Variants in TAFA2 observed in about 807,000 individuals in gnomAD.
TAFA2 encodes TAFA chemokine like family member 2.
In TAFA2, 7 loss-of-function variants were observed where a neutral mutation model predicts 18.8. The ratio of observed to expected loss-of-function variants is 0.37; its 90% CI spans 0.21 to 0.70. The LOEUF (loss-of-function observed/expected upper bound fraction) is 0.70, where lower values mean the gene tolerates loss of function less well. TAFA2 is among the 30% of genes least tolerant of loss of function. The pLI is 0.53. For missense variants in TAFA2, 122 were observed against 158.1 expected (o/e 0.77, Z 1.23); for synonymous variants, 60 against 54.2 (o/e 1.11, Z -0.47).
chr12:61,763,075 C>T (rs1408710108), intron 2 of TAFA2, among the ~76,000 whole-genome samples: 1 of 151,906 alleles, frequency 6.6e-6, no homozygotes, highest in African/African-American at 2.4e-5. Context: ...GAAAATAGCT[C>T]ATATTTTTTA....
chr12:62,143,613 C>G, intron 1 of TAFA2, among the ~76,000 whole-genome samples: 1 of 152,068 alleles, frequency 6.6e-6, no homozygotes, highest in Non-Finnish European at 1.5e-5. Flanking sequence ...CCAATACAGC[C>G]CACAACCTGA....
intron 1 of TAFA2, among the ~76,000 whole-genome samples, chr12:62,015,868 T>G (rs1251136318): frequency 6.6e-6 from 1 of 152,074 alleles, no homozygotes; most frequent in Non-Finnish European, 1.5e-5. Context: ...GAAAGTAGAA[T>G]GGTGGTTGCC....
At chr12:61,997,478 G>A (rs1291634981) in intron 1 of TAFA2, among the ~76,000 whole-genome samples, 1 of 152,120 alleles carries the variant, frequency 6.6e-6, no homozygotes, top group East Asian at 1.9e-4. Context: ...TGGAAAGAGA[G>A]GCCCAGTGGC....
At chr12:62,017,985 T>C (rs1263158253) in intron 1 of TAFA2, among the ~76,000 whole-genome samples, 1 of 152,150 alleles carries the variant, frequency 6.6e-6, no homozygotes, top group Admixed American at 6.5e-5. Context: ...CCTAGTGAGA[T>C]TTCCCAAGAT....
intron 1 of TAFA2, chr12:61,877,997 T>C: frequency 4.5e-6 from 2 of 448,354 alleles, no homozygotes; most frequent in Non-Finnish European, 8.9e-6. Flanking sequence ...TAAAAAGAAA[T>C]TACAACATAG....
At chr12:61,930,447 A>T (rs1357836494) in intron 1 of TAFA2, among the ~76,000 whole-genome samples, 1 of 152,182 alleles carries the variant, frequency 6.6e-6, no homozygotes, top group African/African-American at 2.4e-5. Flanking sequence ...GTGCTTAAAA[A>T]CTTTACATGG....
At chr12:61,781,726 T>C (rs566202130) in intron 2 of TAFA2, among the ~76,000 whole-genome samples, 1 of 151,794 alleles carries the variant, frequency 6.6e-6, no homozygotes, top group Admixed American at 6.6e-5. Context: ...TTTTAATGAA[T>C]CTTACAGAAA....
At chr12:61,916,262 A>G (rs1009838311) in intron 1 of TAFA2, among the ~76,000 whole-genome samples, 5 of 152,210 alleles carry the variant, frequency 3.3e-5, no homozygotes, top group African/African-American at 4.8e-5. Context: ...CTGTGTTACT[A>G]CCTAAGCTCT....
chr12:61,830,686 C>T (rs1480218234), intron 2 of TAFA2, among the ~76,000 whole-genome samples: 1 of 151,908 alleles, frequency 6.6e-6, no homozygotes, highest in Non-Finnish European at 1.5e-5. Flanking sequence ...AATGCCCAGA[C>T]TTATGGGCTT....
chr12:61,958,556 A>T (rs1024817927), intron 1 of TAFA2, among the ~76,000 whole-genome samples: 10 of 151,712 alleles, frequency 6.6e-5, no homozygotes, highest in African/African-American at 2.4e-4. Context: ...TTTTATTTGC[A>T]TTTCCTACAT....
intron 1 of TAFA2, among the ~76,000 whole-genome samples, chr12:62,143,889 A>C (rs1454766931): frequency 2.0e-5 from 3 of 146,984 alleles, no homozygotes; most frequent in Non-Finnish European, 4.5e-5. Flanking sequence ...CAAAAAATAC[A>C]AAAAAAAAAT....
At chr12:61,836,732 G>GATAT (rs3034054) in intron 2 of TAFA2, among the ~76,000 whole-genome samples, 7,211 of 112,610 alleles carry the variant, frequency 0.064, 462 homozygotes, top group African/African-American at 0.15. Context: ...TTGCCAATTT[G>GATAT]ATATATATAT....
At chr12:61,835,246 A>G (rs1026525217) in intron 2 of TAFA2, among the ~76,000 whole-genome samples, 49 of 152,106 alleles carry the variant, frequency 3.2e-4, no homozygotes, top group African/African-American at 1.1e-3. Context: ...ATATGTAGAT[A>G]TAAATAACGA....
At chr12:61,873,281 C>A (rs910178184) in intron 1 of TAFA2, among the ~76,000 whole-genome samples, 2 of 142,256 alleles carry the variant, frequency 1.4e-5, no homozygotes, top group African/African-American at 5.3e-5. Context: ...TTTGAGGTTG[C>A]ACAAGTTTTA....
intron 1 of TAFA2, chr12:62,234,272 G>C (rs1214080651): frequency 2.5e-6 from 1 of 392,386 alleles, no homozygotes; most frequent in Non-Finnish European, 4.9e-6. Context: ...GGTGCTCTCA[G>C]TATTGTAGGC....
At position 62,186,454 on chromosome 12, in the gene TAFA2, C is replaced by T. The variant is rs75231754; in HGVS notation, c.-2+4805G>A. ...GTTCAGCTGGTTCTCTTCATTTTGT[C>T]AAATTACTAAATTCAGCCTATCACC... On this transcript the variant is annotated intron_variant, in intron 1 of 4. Transcript: ENST00000416284. 5.1e-3 allele frequency among the ~76,000 whole-genome samples: 781 copies of T among 152,258 alleles called. 6 individuals are homozygous for T. Among genetic ancestry groups the T allele is most frequent in the Non-Finnish European group, 9.0e-3 (613 of 67,994 alleles).
chr12:61,755,495 G>A (rs1869222766), intron 2 of TAFA2, among the ~76,000 whole-genome samples: 1 of 152,104 alleles, frequency 6.6e-6, no homozygotes, highest in Admixed American at 6.6e-5. Flanking sequence ...AGTGGAGGCA[G>A]ACAGTGGGCA....
chr12:62,246,344 C>T (rs960972509), intron 1 of TAFA2, among the ~76,000 whole-genome samples: 2 of 152,138 alleles, frequency 1.3e-5, no homozygotes, highest in Admixed American at 6.5e-5. Flanking sequence ...ATTTATTTTA[C>T]CATGAACCAT....
At chr12:62,210,060 C>T (rs2062707325) in intron 1 of TAFA2, among the ~76,000 whole-genome samples, 2 of 152,002 alleles carry the variant, frequency 1.3e-5, no homozygotes, top group South Asian at 4.2e-4. Context: ...ATTAGCCGGG[C>T]GTGGTGGTGG....
Sources: allele counts gnomAD v4.1 joint callset (sites outside exome capture counted in the v4.1 genomes callset), GRCh38; gene constraint gnomAD v4.1.1; transcripts MANE v1.5; gene names NCBI Gene and HGNC (gene_info 2026-07-23, HGNC 2026-07-21).